Variants in RNF150 observed in about 807,000 individuals in gnomAD.
RNF150 encodes the protein ring finger protein 150.
A neutral mutation model predicts 39.3 loss-of-function variants in RNF150; 24 were observed. The observed-to-expected ratio is 0.61, with a 90% CI of 0.44 to 0.86. RNF150 has a LOEUF of 0.86. Among genes scored for constraint, RNF150 ranks in the 40% least tolerant of loss-of-function variants. The pLI is 0.00. For missense variants in RNF150, 502 were observed against 587.8 expected (o/e 0.85, Z 1.51); for synonymous variants, 255 against 227.3 (o/e 1.12, Z -1.10).
chr4:140,944,095 T>C (rs949548793), intron 4 of RNF150, among the ~76,000 whole-genome samples: 31 of 152,118 alleles, frequency 2.0e-4, no homozygotes, highest in African/African-American at 6.5e-4. Flanking sequence ...TGAAGAACAG[T>C]AGGGACACCA....
chr4:140,887,544 C>T (rs1729623025), intron 6 of RNF150, among the ~76,000 whole-genome samples: 1 of 152,184 alleles, frequency 6.6e-6, no homozygotes, highest in Admixed American at 6.5e-5. Context: ...TATTCTATTT[C>T]TTCAGTGTTG....
intron 1 of RNF150, among the ~76,000 whole-genome samples, chr4:141,156,686 GA>G (rs1446191462): frequency 3.1e-4 from 45 of 147,042 alleles, no homozygotes; most frequent in Non-Finnish European, 5.6e-4. Flanking sequence ...CTGAGATCAG[GA>G]GTTTGAGACC....
chr4:141,169,411 C>T (rs2111169959), intron 1 of RNF150, among the ~76,000 whole-genome samples: 1 of 152,246 alleles, frequency 6.6e-6, no homozygotes, highest in East Asian at 1.9e-4. Context: ...ATAAATTGCC[C>T]AGTCTCAGGT....
chr4:140,958,180 C>T (rs116356465), intron 2 of RNF150, among the ~76,000 whole-genome samples: 2,135 of 152,124 alleles, frequency 0.014, 17 homozygotes, highest in Non-Finnish European at 0.019. Flanking sequence ...TGGGAGGATG[C>T]GTTACATGCA....
chr4:141,065,020 T>C (rs1319242115), intron 1 of RNF150, among the ~76,000 whole-genome samples: 1 of 152,182 alleles, frequency 6.6e-6, no homozygotes, highest in East Asian at 1.9e-4. Flanking sequence ...CATGTGCTAC[T>C]ACGCCTGGCT....
At position 141,033,690 on chromosome 4, in the gene RNF150, C is replaced by T. The variant is rs559079343; in HGVS notation, c.485-65817G>A. ...TGATCCACTGGCTACAGAATAGATG[C>T]TGTGTTAGCAGGCATGAAAACAACA... is the stretch of plus-strand genomic sequence containing the variant. On this transcript the variant is annotated intron_variant, in intron 1 of 6. Transcript: ENST00000515673. 4.6e-5 allele frequency among the ~76,000 whole-genome samples: 7 copies of T among 152,298 alleles called. No homozygotes were observed. In the East Asian group the frequency reaches 1.2e-3, roughly 25 times the overall value.
chr4:140,981,270 T>C (rs1733849491), intron 1 of RNF150, among the ~76,000 whole-genome samples: 1 of 152,190 alleles, frequency 6.6e-6, no homozygotes, highest in Non-Finnish European at 1.5e-5. Flanking sequence ...TTGAAAGATT[T>C]GCATATACAT....
chr4:141,009,933 T>C (rs1179137747), intron 1 of RNF150, among the ~76,000 whole-genome samples: 1 of 152,166 alleles, frequency 6.6e-6, no homozygotes, highest in Admixed American at 6.5e-5. Context: ...CAGGGTGCAA[T>C]AGATGTTGGT....
At chr4:140,938,243 C>T (rs577435241) in intron 4 of RNF150, among the ~76,000 whole-genome samples, 1 of 152,224 alleles carries the variant, frequency 6.6e-6, no homozygotes, top group South Asian at 2.1e-4. Context: ...TTCAGTAAAA[C>T]TTGATGGTAA....
At chr4:141,169,522 T>G (rs960090011) in intron 1 of RNF150, among the ~76,000 whole-genome samples, 2 of 152,158 alleles carry the variant, frequency 1.3e-5, no homozygotes, top group African/African-American at 2.4e-5. Flanking sequence ...AGTAATTCTT[T>G]AGGAAGGAGA....
intron 1 of RNF150, among the ~76,000 whole-genome samples, chr4:141,014,799 T>C (rs76828160): frequency 1.5e-3 from 232 of 152,332 alleles, no homozygotes; most frequent in African/African-American, 5.2e-3. Flanking sequence ...CTTTGTTGTT[T>C]CCTGTCCAGA....
At chr4:140,940,228 G>A (rs551653183) in intron 4 of RNF150, among the ~76,000 whole-genome samples, 2 of 152,242 alleles carry the variant, frequency 1.3e-5, no homozygotes, top group South Asian at 4.1e-4. Flanking sequence ...TGCTTGGAAT[G>A]TTCTTCTTAG....
At chr4:141,026,527 G>GGGTGT (rs1735703707) in intron 1 of RNF150, among the ~76,000 whole-genome samples, 1 of 152,168 alleles carries the variant, frequency 6.6e-6, no homozygotes, top group African/African-American at 2.4e-5. Context: ...AATTTAGGTG[G>GGGTGT]GGTGTGCAAA....
chr4:141,102,371 T>C (rs767284771), intron 1 of RNF150, among the ~76,000 whole-genome samples: 5 of 152,122 alleles, frequency 3.3e-5, no homozygotes, highest in Admixed American at 2.0e-4. Context: ...TATTAAATAA[T>C]TTTTCCCTGA....
intron 1 of RNF150, among the ~76,000 whole-genome samples, chr4:141,014,793 G>GTTAA (rs112334488): frequency 0.15 from 22,781 of 150,706 alleles, 1,892 homozygotes; most frequent in Middle Eastern, 0.24. Flanking sequence ...CCTTTACTTT[G>GTTAA]TTGTTTCCTG....
At position 141,088,246 on chromosome 4, in the gene RNF150, G is replaced by A. The variant is rs1578715265; in HGVS notation, c.484+44079C>T. ...TAGCTGTTCCCACTCTCGGCCCCCC[G>A]GCATATACACTGTGTCCTGAAACTC... is the stretch of plus-strand genomic sequence containing the variant. On this transcript the variant is annotated intron_variant, in intron 1 of 6. Transcript: ENST00000515673. 4.6e-5 allele frequency among the ~76,000 whole-genome samples: 7 copies of A among 152,164 alleles called. No individual in the cohort carries two copies. In the South Asian group the frequency reaches 1.5e-3, roughly 32 times the overall value.
intron 1 of RNF150, among the ~76,000 whole-genome samples, chr4:140,997,713 T>TATATGTGTGTGTATATATACACACAC (rs1734431612): frequency 6.6e-6 from 1 of 150,932 alleles, no homozygotes; most frequent in African/African-American, 2.4e-5. Flanking sequence ...TACACACACA[T>TATATGTGTGTGTATATATACACACAC]ATATGTGTGT....
At chr4:140,992,311 T>C (rs776251182) in intron 1 of RNF150, among the ~76,000 whole-genome samples, 1 of 152,038 alleles carries the variant, frequency 6.6e-6, no homozygotes, top group Non-Finnish European at 1.5e-5. Flanking sequence ...TGGAGGCTGC[T>C]GTGAGCCATG....
At chr4:141,011,882 C>G (rs1006346639) in intron 1 of RNF150, among the ~76,000 whole-genome samples, 1 of 152,210 alleles carries the variant, frequency 6.6e-6, no homozygotes, top group Non-Finnish European at 1.5e-5. Flanking sequence ...GATTCACATG[C>G]ACAAAAATCT....
Sources: gnomAD v4.1 joint callset for allele counts (sites outside exome capture counted in the v4.1 genomes callset) on GRCh38, gnomAD v4.1.1 for gene constraint, MANE v1.5 for transcripts, NCBI Gene and HGNC (gene_info 2026-07-23, HGNC 2026-07-21) for gene names.